NRCAM: variants seen among roughly 807,000 people sequenced by gnomAD.
NRCAM encodes neuronal cell adhesion molecule.
In NRCAM, 83 loss-of-function variants were observed where a neutral mutation model predicts 156.5. That is an observed-to-expected ratio of 0.53 (90% CI 0.44 to 0.64). NRCAM has a LOEUF of 0.64. Among genes scored for constraint, NRCAM ranks in the 30% least tolerant of loss-of-function variants. NRCAM has a pLI of 0.00. For synonymous variants in NRCAM, 538 were observed against 563.9 expected, an observed-to-expected ratio of 0.95 and a Z score of 0.65; for missense variants, 1,417 against 1,597.3, an observed-to-expected ratio of 0.89 and a Z score of 1.92.
chr7:108,224,278 G>T (rs2093008774), intron 10 of NRCAM, among the ~76,000 whole-genome samples: 1 of 149,330 alleles, frequency 6.7e-6, no homozygotes, highest in Non-Finnish European at 1.5e-5. Flanking sequence ...TTATAGAAGG[G>T]GTATTCTGGT....
intron 3 of NRCAM, among the ~76,000 whole-genome samples, chr7:108,249,818 A>G (rs1354982408): frequency 6.6e-6 from 1 of 152,020 alleles, no homozygotes; most frequent in African/African-American, 2.4e-5. Flanking sequence ...ATAAAACCAC[A>G]CTCTCTTTTC....
At chr7:108,342,949 C>G (rs2099309830) in intron 2 of NRCAM, among the ~76,000 whole-genome samples, 1 of 152,190 alleles carries the variant, frequency 6.6e-6, no homozygotes, top group Non-Finnish European at 1.5e-5. Flanking sequence ...TTGTGCAACT[C>G]TTAACCCAGC....
chr7:108,218,747 A>G (rs948970710), intron 11 of NRCAM, among the ~76,000 whole-genome samples: 2 of 152,160 alleles, frequency 1.3e-5, no homozygotes, highest in East Asian at 1.9e-4. Context: ...AAACGCCTAC[A>G]TCGAAAAGAC....
In NRCAM at chr7:108,275,167, G is replaced by A. The variant is rs59960129; in HGVS notation, c.-106-34997C>T. Reference sequence around the variant, plus strand: ...GTATTTTATTGAGGATTTTTGCATCGATATTCATCACAGATATTGGCCTAA... The same window carrying A: ...GTATTTTATTGAGGATTTTTGCATCAATATTCATCACAGATATTGGCCTAA... On this transcript the variant is annotated intron_variant, in intron 3 of 32. Coordinates refer to ENST00000379028, the MANE Select transcript of NRCAM (RefSeq NM_001037132.4). Among the ~76,000 whole-genome samples, 284 of 152,256 alleles carry A rather than the reference G, an allele frequency of 1.9e-3. 2 individuals are homozygous for A. The highest frequency in any genetic ancestry group is 6.3e-3 in the African/African-American group (261 of 41,550).
intron 5 of NRCAM, among the ~76,000 whole-genome samples, chr7:108,235,924 C>A (rs1362651070): frequency 6.6e-6 from 1 of 152,170 alleles, no homozygotes; most frequent in African/African-American, 2.4e-5. Context: ...ACCACAGCAC[C>A]TTTCCTCTGC....
intron 13 of NRCAM, among the ~76,000 whole-genome samples, chr7:108,206,485 T>C (rs1461400591): frequency 6.6e-6 from 1 of 152,172 alleles, no homozygotes; most frequent in Non-Finnish European, 1.5e-5. Context: ...AGAGTGAACC[T>C]AAGGCTGGGT....
At position 108,226,054 on chromosome 7, in the gene NRCAM, A is replaced by T. The variant is rs928687194; in HGVS notation, c.721+154T>A. On this transcript the variant is annotated intron_variant, in intron 9 of 32. Transcript: ENST00000379028. ...AATATTAAGGGTATGCACAATCTTT[A>T]TAACATATATGCCAACACTTTAGTG... is the stretch of plus-strand genomic sequence containing the variant. 2.6e-5 allele frequency among the ~76,000 whole-genome samples: 4 copies of T among 152,216 alleles called. No individual in the cohort carries two copies. The East Asian group carries it at 7.7e-4, about 29-fold the overall frequency.
chr7:108,388,595 C>T lies in NRCAM; in HGVS notation c.-174+10841G>A, dbSNP rs370804354. On this transcript the variant is annotated intron_variant, in intron 2 of 32. Transcript: ENST00000379028. The stretch of plus-strand genomic sequence containing the variant: ...CCCATTTGTCAATTTTGGCTTTTGT[C>T]GCCATTGCTTTTGGTGTTTTAGACT... Among the ~76,000 whole-genome samples, 598 of 152,166 alleles carry T rather than the reference C, an allele frequency of 3.9e-3. 5 individuals carry two copies. The highest frequency in any genetic ancestry group is 0.012 in the African/African-American group (493 of 41,542).
At chr7:108,302,211 T>C (rs2098636715) in intron 3 of NRCAM, among the ~76,000 whole-genome samples, 1 of 152,192 alleles carries the variant, frequency 6.6e-6, no homozygotes, top group African/African-American at 2.4e-5. Context: ...ATGTACTGTT[T>C]TCCTTCATTT....
intron 3 of NRCAM, among the ~76,000 whole-genome samples, chr7:108,259,257 G>A (rs1039427186): frequency 6.6e-6 from 1 of 152,188 alleles, no homozygotes; most frequent in African/African-American, 2.4e-5. Flanking sequence ...ACTTCTTGAA[G>A]TACCACTTAA....
At chr7:108,215,379 A>AT (rs1290863370) in intron 11 of NRCAM, among the ~76,000 whole-genome samples, 1 of 151,442 alleles carries the variant, frequency 6.6e-6, no homozygotes. Flanking sequence ...TGCCTAGCTA[A>AT]TTTTTTGTAT....
intron 2 of NRCAM, among the ~76,000 whole-genome samples, chr7:108,385,091 T>C (rs1454010371): frequency 6.6e-6 from 1 of 152,208 alleles, no homozygotes; most frequent in Non-Finnish European, 1.5e-5. Context: ...CCTAAGCAAG[T>C]GCTTTGTACT....
chr7:108,206,212 C>T (rs1198957209), intron 13 of NRCAM, among the ~76,000 whole-genome samples: 4 of 152,230 alleles, frequency 2.6e-5, no homozygotes, highest in South Asian at 4.1e-4. Flanking sequence ...AGTCACCCTG[C>T]AGTTGTCAGA....
At chr7:108,359,406 G>A (rs2099533041) in intron 2 of NRCAM, among the ~76,000 whole-genome samples, 1 of 152,224 alleles carries the variant, frequency 6.6e-6, no homozygotes, top group East Asian at 1.9e-4. Flanking sequence ...TTGAGAGAAG[G>A]AGGGTGACCT....
chr7:108,203,161 C>A (rs1039162375), intron 13 of NRCAM, among the ~76,000 whole-genome samples: 2 of 152,226 alleles, frequency 1.3e-5, no homozygotes, highest in African/African-American at 4.8e-5. Context: ...AGTTCATTTT[C>A]TTTCTGGTCC....
chr7:108,184,188 C>CT (rs899246417), intron 22 of NRCAM, 53 bp downstream of exon 22: 63 of 1,464,688 alleles, frequency 4.3e-5, no homozygotes, highest in African/African-American at 7.0e-5. Context: ...TTTCAAACAA[C>CT]TTTTTTTTCA....
Position 108,184,591 on chromosome 7 carries a change from C to T in NRCAM, c.2059G>A (p.Ala687Thr), listed in dbSNP as rs971047344. ...TGCCACAGCCCTGGCTTGTGCATTG[C>T]ATCTTCATATTCGATGATGAATTCT... is the stretch of plus-strand genomic sequence containing the variant. ...ITKFIIEYEDAMHKPGLWHHQ... is the reference protein window; with the variant it reads ...ITKFIIEYEDTMHKPGLWHHQ... The change falls in exon 21 of 33, where the codon GCA (alanine) becomes ACA (threonine). Residue 687 changes from alanine to threonine, a missense_variant. Ala to Thr is a moderately conservative substitution (Grantham distance 58). Transcript: ENST00000379028. 1 of 1,613,270 alleles carries T rather than the reference C, an allele frequency of 6.2e-7. No individual in the cohort carries two copies. Among genetic ancestry groups the T allele is most frequent in the South Asian group, 1.1e-5 (1 of 91,028 alleles).
At chr7:108,276,354 C>T (rs183849443) in intron 3 of NRCAM, among the ~76,000 whole-genome samples, 2 of 152,152 alleles carry the variant, frequency 1.3e-5, no homozygotes, top group East Asian at 1.9e-4. Flanking sequence ...CCCATTATTA[C>T]TGTGTGGGAG....
At chr7:108,332,194 T>C (rs531173140) in intron 2 of NRCAM, among the ~76,000 whole-genome samples, 45 of 152,348 alleles carry the variant, frequency 3.0e-4, no homozygotes, top group African/African-American at 9.6e-4. Context: ...ACCCCACAGA[T>C]AATTTGATGG....
Sources: gnomAD v4.1 joint callset for allele counts (sites outside exome capture counted in the v4.1 genomes callset) on GRCh38, gnomAD v4.1.1 for gene constraint, MANE v1.5 for transcripts, NCBI Gene and HGNC (gene_info 2026-07-23, HGNC 2026-07-21) for gene names.